The following SLC38A11 variants were observed in gnomAD, a reference collection of about 807,000 sequenced individuals.
SLC38A11 encodes solute carrier family 38 member 11, also known as putative sodium-coupled neutral amino acid transporter 11.
Under a neutral mutation model 49.4 loss-of-function variants are expected in SLC38A11, and 51 were observed. The ratio of observed to expected loss-of-function variants is 1.03; its 90% CI spans 0.83 to 1.30. The LOEUF (loss-of-function observed/expected upper bound fraction) is 1.30. Ranked by LOEUF, SLC38A11 falls within the 50% of genes most tolerant of loss-of-function variation. The pLI, the probability that SLC38A11 is intolerant of heterozygous loss-of-function variation, is 0.00. For missense variants in SLC38A11, 574 were observed against 556.2 expected, an observed-to-expected ratio of 1.03 and a Z score of -0.32; for synonymous variants, 203 against 192.9, an observed-to-expected ratio of 1.05 and a Z score of -0.43.
At chr2:164,937,274 T>G (rs1246754072) in intron 7 of SLC38A11, 76 bp downstream of exon 7, 6 of 959,608 alleles carry the variant, frequency 6.3e-6, no homozygotes, top group Non-Finnish European at 9.9e-6. Context: ...TACTTTATAT[T>G]TCTGCATTTA....
intron 7 of SLC38A11, among the ~76,000 whole-genome samples, chr2:164,923,550 C>T (rs576524560): frequency 4.5e-4 from 68 of 151,958 alleles, no homozygotes; most frequent in African/African-American, 1.4e-3. Flanking sequence ...GTAGAAATAG[C>T]GATAATTAAA....
intron 11 of SLC38A11, among the ~76,000 whole-genome samples, chr2:164,904,565 T>G (rs1684868776): frequency 6.6e-6 from 1 of 152,178 alleles, no homozygotes; most frequent in Admixed American, 6.5e-5. Flanking sequence ...TTATTCTACT[T>G]ATTCAGAAGC....
intron 7 of SLC38A11, among the ~76,000 whole-genome samples, chr2:164,923,980 A>C (rs1354197154): frequency 6.6e-6 from 1 of 152,156 alleles, no homozygotes; most frequent in Non-Finnish European, 1.5e-5. Flanking sequence ...CACCCAGAGG[A>C]AAATAAATCA....
chr2:164,901,494 A>T (rs1257899690), intron 11 of SLC38A11, among the ~76,000 whole-genome samples: 1 of 152,088 alleles, frequency 6.6e-6, no homozygotes, highest in Non-Finnish European at 1.5e-5. Flanking sequence ...GGTTAAATTT[A>T]TTCCAGAGTA....
chr2:164,939,415 T>TA, intron 6 of SLC38A11, 35 bp downstream of exon 6: 1 of 1,415,192 alleles, frequency 7.1e-7, no homozygotes, highest in East Asian at 2.3e-5. Context: ...GGCAACAAGG[T>TA]ACATTTCTAT....
intron 11 of SLC38A11, among the ~76,000 whole-genome samples, chr2:164,902,168 A>G (rs998295324): frequency 6.6e-6 from 1 of 151,496 alleles, no homozygotes; most frequent in Non-Finnish European, 1.5e-5. Context: ...TGTTGAGACT[A>G]CAGGCACATG....
rs751433690 is a variant in SLC38A11, at chr2:164,929,972, G to GT, written c.617+7377dup. Among the ~76,000 whole-genome samples the GT allele has an allele frequency of 3.6e-3, 525 of 147,274 alleles. 2 individuals carry two copies. Among genetic ancestry groups the GT allele is most frequent in the African/African-American group, 0.012 (494 of 40,300 alleles). On this transcript the variant is annotated intron_variant, in intron 7 of 11. Coordinates refer to ENST00000685975, the MANE Select transcript of SLC38A11 (RefSeq NM_001351537.2). ...CAAAAGATCAATGAATCCAGGCGCT[G>GT]TTTTTTTTTAAAATTCAAAAATAGA...
chr2:164,954,776 T>C (rs1270033447), intron 1 of SLC38A11, 31 bp from the exon 2 acceptor site: 2 of 1,141,102 alleles, frequency 1.8e-6, no homozygotes, highest in Admixed American at 2.6e-5. Context: ...TATAAGCAAA[T>C]ACTAGTTCAG....
intron 8 of SLC38A11, 189 bp from the exon 9 acceptor site, chr2:164,915,462 T>G (rs1685715764): frequency 3.8e-6 from 2 of 529,480 alleles, no homozygotes; most frequent in Non-Finnish European, 6.5e-6. Context: ...ACATCAGGCT[T>G]ATGTGGTCTT....
chr2:164,905,534 G>A (rs1243341495), intron 11 of SLC38A11, among the ~76,000 whole-genome samples: 2 of 152,050 alleles, frequency 1.3e-5, no homozygotes, highest in African/African-American at 2.4e-5. Flanking sequence ...TGCTTGATTT[G>A]GCTCTATTAG....
chr2:164,951,836 G>T (rs1272728771), intron 3 of SLC38A11, among the ~76,000 whole-genome samples: 1 of 152,148 alleles, frequency 6.6e-6, no homozygotes, highest in African/African-American at 2.4e-5. Context: ...CCACACATTG[G>T]TCCCCGTGGA....
intron 7 of SLC38A11, among the ~76,000 whole-genome samples, chr2:164,931,074 T>G (rs912579104): frequency 6.6e-6 from 1 of 151,760 alleles, no homozygotes. Flanking sequence ...ACAAAATCAA[T>G]GTATAAAAAT....
At chr2:164,939,366 G>A (rs1035740209) in intron 6 of SLC38A11, 84 bp downstream of exon 6, 17 of 813,074 alleles carry the variant, frequency 2.1e-5, no homozygotes, top group South Asian at 1.6e-4. Context: ...GATGAATACC[G>A]TAATTAAGAA....
At position 164,945,708 on chromosome 2, in the gene SLC38A11, C is replaced by G. The variant is rs1688059880; in HGVS notation, c.249G>C (p.Leu83Phe). 1 of 1,605,280 alleles carries G rather than the reference C, an allele frequency of 6.2e-7. No homozygotes were observed. Among genetic ancestry groups the G allele is most frequent in the Non-Finnish European group, 8.5e-7 (1 of 1,178,042 alleles). ...TTCCAGAGAGGGCCCCTCCTTTTAT[C>G]AATAAAACAAGGGAAAAGTCTGTGG... ...SYVTDFSLVL[L>F]IKGGALSGTD... The change falls in exon 4 of 12, where the codon TTG becomes TTC. Residue 83 changes from leucine (L) to phenylalanine (F), a missense_variant. Transcript: ENST00000685975.
intron 11 of SLC38A11, among the ~76,000 whole-genome samples, chr2:164,904,707 G>T (rs1318576671): frequency 6.6e-6 from 1 of 152,084 alleles, no homozygotes; most frequent in African/African-American, 2.4e-5. Flanking sequence ...AAACTTTTCA[G>T]TTCCATTTTA....
intron 6 of SLC38A11, among the ~76,000 whole-genome samples, chr2:164,938,390 A>G (rs1257454786): frequency 6.6e-6 from 1 of 152,134 alleles, no homozygotes; most frequent in Non-Finnish European, 1.5e-5. Context: ...TTATTTAGAT[A>G]TCTCAATATG....
At chr2:164,913,811 C>G (rs1211783302) in intron 9 of SLC38A11, among the ~76,000 whole-genome samples, 1 of 152,010 alleles carries the variant, frequency 6.6e-6, no homozygotes, top group African/African-American at 2.4e-5. Flanking sequence ...GTTTCAAGGT[C>G]ACTTTGTTAC....
chr2:164,896,424 G>C lies in SLC38A11; in HGVS notation c.*2013C>G, dbSNP rs570743833. The C allele has an allele frequency of 3.9e-5, 6 of 152,090 alleles. No individual in the cohort carries two copies. Among genetic ancestry groups the C allele is most frequent in the Non-Finnish European group, 4.4e-5 (3 of 67,972 alleles). The allele number at this position is 152,090 out of a possible 1,614,324, so 9.4% of individuals were successfully genotyped here. A position where few individuals can be genotyped will look rare whatever the true frequency, so the allele number is the denominator to read the frequency against. ...TTACGTGCTAAATTATGTTATCCTT[G>C]ACATACTTTTCTTTGTACATGCTTA... On this transcript the variant is annotated 3_prime_UTR_variant, in exon 12 of 12. Coordinates refer to ENST00000685975, the MANE Select transcript of SLC38A11 (RefSeq NM_001351537.2).
At chr2:164,944,683 C>A in intron 4 of SLC38A11, 49 bp from the exon 5 acceptor site, 1 of 724,608 alleles carries the variant, frequency 1.4e-6, no homozygotes. Context: ...TCTCATATTT[C>A]ATCCTAAATA....
Sources: allele counts gnomAD v4.1 joint callset (sites outside exome capture counted in the v4.1 genomes callset), GRCh38; gene constraint gnomAD v4.1.1; transcripts MANE v1.5; gene names NCBI Gene and HGNC (gene_info 2026-07-23, HGNC 2026-07-21).